The following OPCML variants were observed in gnomAD, a reference collection of about 807,000 sequenced individuals.
OPCML encodes the protein opioid binding protein/cell adhesion molecule like, also known as opioid-binding protein/cell adhesion molecule.
In OPCML, 13 loss-of-function variants were observed where a neutral mutation model predicts 37.8. That is an observed-to-expected ratio of 0.34 (90% CI 0.22 to 0.55). The LOEUF (loss-of-function observed/expected upper bound fraction) is 0.55. OPCML is among the 20% of genes least tolerant of loss of function. The pLI, the probability that OPCML is intolerant of heterozygous loss-of-function variation, is 0.91. For missense variants in OPCML, 341 were observed against 435.6 expected, an observed-to-expected ratio of 0.78 and a Z score of 1.93; for synonymous variants, 176 against 168.8, an observed-to-expected ratio of 1.04 and a Z score of -0.33.
intron 1 of OPCML, among the ~76,000 whole-genome samples, chr11:133,075,563 C>G (rs1250688499): frequency 6.6e-6 from 1 of 152,202 alleles, no homozygotes; most frequent in Non-Finnish European, 1.5e-5. Context: ...CAGGTGCACA[C>G]AGGGACAGTT....
intron 1 of OPCML, among the ~76,000 whole-genome samples, chr11:133,261,997 C>G (rs1227848038): frequency 6.6e-6 from 1 of 152,144 alleles, no homozygotes; most frequent in Non-Finnish European, 1.5e-5. Flanking sequence ...GTGGGTGGCT[C>G]CAGCTACCTG....
At position 133,177,576 on chromosome 11, in the gene OPCML, G is replaced by T. The variant is rs1041893873; in HGVS notation, c.62-234566C>A. Among the ~76,000 whole-genome samples the T allele has an allele frequency of 7.9e-5, 12 of 152,284 alleles. No individual in the cohort carries two copies. Among genetic ancestry groups the T allele is most frequent in the African/African-American group, 2.9e-4 (12 of 41,546 alleles). On this transcript the variant is annotated intron_variant, in intron 1 of 7. Coordinates refer to ENST00000524381, the MANE Select transcript of OPCML (RefSeq NM_001012393.5). The surrounding 1 kb of genome is among the most constrained non-coding windows in gnomAD (Gnocchi z 5.0). ...GGAACTCTAGAATCTAATAGTTGGA[G>T]TGGCAATAAAAAATGTGAATACAAC...
At chr11:133,186,986 T>C (rs995561682) in intron 1 of OPCML, among the ~76,000 whole-genome samples, 3 of 152,048 alleles carry the variant, frequency 2.0e-5, no homozygotes, top group African/African-American at 4.8e-5. Context: ...GTGGTGGTGG[T>C]GGTGTGTGTA....
chr11:132,644,460 T>A (rs573679909), intron 3 of OPCML, among the ~76,000 whole-genome samples: 5 of 151,938 alleles, frequency 3.3e-5, no homozygotes, highest in African/African-American at 1.2e-4. Context: ...GGGGAAATAA[T>A]CTATCTGAAC....
chr11:133,149,555 C>T (rs1415774593), intron 1 of OPCML, among the ~76,000 whole-genome samples: 1 of 152,202 alleles, frequency 6.6e-6, no homozygotes, highest in Non-Finnish European at 1.5e-5. Flanking sequence ...AAGTCGGTTG[C>T]CACCTCCAAA....
chr11:132,924,859 C>A (rs1189808103), intron 2 of OPCML, among the ~76,000 whole-genome samples: 1 of 146,058 alleles, frequency 6.8e-6, no homozygotes, highest in African/African-American at 2.6e-5. Context: ...CATATCTCCT[C>A]TGTTTCTTTC....
At chr11:133,012,218 G>C (rs1947232529) in intron 1 of OPCML, among the ~76,000 whole-genome samples, 1 of 152,146 alleles carries the variant, frequency 6.6e-6, no homozygotes, top group Admixed American at 6.5e-5. Context: ...ACATAGGACA[G>C]CCTTCCTCAA....
chr11:133,444,345 C>G (rs6590698), intron 1 of OPCML, among the ~76,000 whole-genome samples: 54,151 of 152,088 alleles, frequency 0.36, 14,485 homozygotes, highest in African/African-American at 0.75. Context: ...TTTTCAAAAC[C>G]TTAAACATGT....
chr11:132,445,309 G>A (rs1037852698), intron 4 of OPCML, among the ~76,000 whole-genome samples: 1 of 152,184 alleles, frequency 6.6e-6, no homozygotes, highest in Non-Finnish European at 1.5e-5. Flanking sequence ...TGAGAATGAT[G>A]GAAGTGTTTA....
intron 1 of OPCML, among the ~76,000 whole-genome samples, chr11:133,506,280 T>G (rs1373538945): frequency 6.6e-6 from 1 of 152,188 alleles, no homozygotes; most frequent in Non-Finnish European, 1.5e-5. Flanking sequence ...TCAAAATTCT[T>G]GAATTACTTT....
At chr11:133,325,637 T>A (rs1412373939) in intron 1 of OPCML, among the ~76,000 whole-genome samples, 1 of 152,194 alleles carries the variant, frequency 6.6e-6, no homozygotes, top group Non-Finnish European at 1.5e-5. Flanking sequence ...TAAATGATGA[T>A]GACGTTTTAA....
In OPCML at chr11:133,374,467, G is replaced by A. The variant is rs558234768; in HGVS notation, c.61+157797C>T. Among the ~76,000 whole-genome samples the A allele has an allele frequency of 2.6e-5, 4 of 152,158 alleles. No individual in the cohort carries two copies. In the South Asian group the frequency reaches 6.2e-4, roughly 24 times the overall value. On this transcript the variant is annotated intron_variant, in intron 1 of 7. Coordinates refer to ENST00000524381, the MANE Select transcript of OPCML (RefSeq NM_001012393.5). ...ACAGTTTAAATACGTGTAGTCTATC[G>A]TGTGTCCATTATATCTCATATAAAG...
At chr11:132,543,063 G>A (rs926675840) in intron 3 of OPCML, among the ~76,000 whole-genome samples, 4 of 151,820 alleles carry the variant, frequency 2.6e-5, no homozygotes, top group African/African-American at 9.7e-5. Context: ...ATTGTGGGAA[G>A]AGGGGAAAGG....
At chr11:132,874,318 G>GT (rs1942927219) in intron 2 of OPCML, among the ~76,000 whole-genome samples, 1 of 152,064 alleles carries the variant, frequency 6.6e-6, no homozygotes, top group Non-Finnish European at 1.5e-5. Context: ...TTACTTTGAA[G>GT]TAACCTGCAG....
chr11:132,587,001 G>C (rs1395759803), intron 3 of OPCML, among the ~76,000 whole-genome samples: 2 of 152,200 alleles, frequency 1.3e-5, no homozygotes, highest in African/African-American at 4.8e-5. Flanking sequence ...AATATGATTT[G>C]TTTACTGGGT....
intron 1 of OPCML, among the ~76,000 whole-genome samples, chr11:133,351,023 A>G (rs775542339): frequency 6.6e-6 from 1 of 152,182 alleles, no homozygotes; most frequent in Non-Finnish European, 1.5e-5. Flanking sequence ...CATAAAATTA[A>G]AATAGGAGTA....
rs1374253107 is a variant in OPCML, at chr11:133,263,940, A to C, written c.61+268324T>G. Among the ~76,000 whole-genome samples, 4 of 152,330 alleles carry C rather than the reference A, an allele frequency of 2.6e-5. No individual in the cohort carries two copies. In the East Asian group the frequency reaches 7.7e-4, roughly 29 times the overall value. ...GGGACCCAGGGACAATTCCCATTAC[A>C]CAGGCTGCTGTCTAAGCTCCTGATG... On this transcript the variant is annotated intron_variant, in intron 1 of 7. Transcript: ENST00000524381.
intron 1 of OPCML, chr11:133,007,525 G>A (rs940175861): frequency 3.0e-6 from 3 of 985,352 alleles, no homozygotes; most frequent in South Asian, 4.7e-5. Context: ...TCCTTTGGAA[G>A]GCAGGGTGGG....
At chr11:132,913,885 G>C (rs1444493857) in intron 2 of OPCML, among the ~76,000 whole-genome samples, 1 of 152,180 alleles carries the variant, frequency 6.6e-6, no homozygotes, top group African/African-American at 2.4e-5. Flanking sequence ...TAGCACTCTC[G>C]ACGGACTCCT....
Sources: gnomAD v4.1 joint callset for allele counts (sites outside exome capture counted in the v4.1 genomes callset) on GRCh38, gnomAD v4.1.1 for gene constraint, Gnocchi (gnomAD v3.1) non-coding constraint, MANE v1.5 for transcripts, NCBI Gene and HGNC (gene_info 2026-07-23, HGNC 2026-07-21) for gene names.